Variants in COL13A1 observed in about 807,000 individuals in gnomAD.
COL13A1 encodes the protein collagen alpha-1(XIII) chain.
A neutral mutation model predicts 130.9 loss-of-function variants in COL13A1; 89 were observed. The observed-to-expected ratio is 0.68, with a 90% CI of 0.57 to 0.81. COL13A1 has a LOEUF of 0.81. Among genes scored for constraint, COL13A1 ranks in the 30% least tolerant of loss-of-function variants. The pLI is 0.00. For synonymous variants in COL13A1, 402 were observed against 341.6 expected (o/e 1.18, Z -1.95); for missense variants, 879 against 934.6 (o/e 0.94, Z 0.78).
Position 69,878,149 on chromosome 10 carries a change from C to G in COL13A1, c.462+84C>G, listed in dbSNP as rs10823446. 8.1e-5 allele frequency: 56 copies of G among 689,352 alleles called. 1 individual carries two copies. The highest frequency in any genetic ancestry group is 2.4e-4 in the Middle Eastern group (1 of 4,100). The allele number at this position is 689,352 out of a possible 1,614,324, so 42.7% of individuals were successfully genotyped here. On this transcript the variant is annotated intron_variant, in intron 6 of 40. Coordinates refer to ENST00000645393, the MANE Select transcript of COL13A1 (RefSeq NM_001368882.1). ...TGATGGGAGGCTCTCAGCCCTCCCC[C>G]CCATGAAAGCCGCAGCAGAGGGTGC...
intron 2 of COL13A1, among the ~76,000 whole-genome samples, chr10:69,850,619 G>A (rs1231468084): frequency 1.3e-5 from 2 of 151,876 alleles, no homozygotes; most frequent in Non-Finnish European, 2.9e-5. Context: ...TGGGCAAAGG[G>A]CGGGCTGTTG....
intron 5 of COL13A1, chr10:69,877,577 G>C: frequency 5.9e-6 from 1 of 170,314 alleles, no homozygotes; most frequent in Non-Finnish European, 1.3e-5. Flanking sequence ...TGGGGCCATG[G>C]CTTCTGGGGA....
At chr10:69,928,711 C>T (rs973283813) in intron 27 of COL13A1, among the ~76,000 whole-genome samples, 4 of 152,220 alleles carry the variant, frequency 2.6e-5, no homozygotes, top group African/African-American at 9.7e-5. Context: ...TTGGACATGG[C>T]TCTCCGAACC....
chr10:69,867,747 C>T (rs541948369), intron 2 of COL13A1, 51 bp from the exon 3 acceptor site: 59 of 717,062 alleles, frequency 8.2e-5, no homozygotes, highest in African/African-American at 4.4e-4. Flanking sequence ...GCCTCCCCAC[C>T]GCCCCCTACA....
intron 1 of COL13A1, among the ~76,000 whole-genome samples, chr10:69,814,694 C>T (rs1843989134): frequency 6.6e-6 from 1 of 152,184 alleles, no homozygotes; most frequent in South Asian, 2.1e-4. Context: ...AGAGTTGGGA[C>T]TAGACCCCAA....
rs531878511 is a variant in COL13A1, at chr10:69,833,317, C to T, written c.364+10879C>T. Among the ~76,000 whole-genome samples, 10 of 152,304 alleles carry T rather than the reference C, an allele frequency of 6.6e-5. No individual in the cohort carries two copies. The South Asian group carries it at 2.1e-3, about 32-fold the overall frequency. ...GAAGTTACAGTAACTAGATTGAGCA[C>T]CCCCACCTCTCCACTCCTCACCTCA... On this transcript the variant is annotated intron_variant, in intron 2 of 40. Transcript: ENST00000645393.
At chr10:69,869,053 C>T (rs2058805941) in intron 3 of COL13A1, among the ~76,000 whole-genome samples, 1 of 151,662 alleles carries the variant, frequency 6.6e-6, no homozygotes, top group South Asian at 2.1e-4. Context: ...GCTGCAGCCT[C>T]CTGCACACAC....
At chr10:69,840,778 T>A (rs1420930290) in intron 2 of COL13A1, among the ~76,000 whole-genome samples, 1 of 152,036 alleles carries the variant, frequency 6.6e-6, no homozygotes, top group Non-Finnish European at 1.5e-5. Context: ...AAACCTGGGA[T>A]CTGTGTGACC....
chr10:69,828,844 G>T (rs1848137042), intron 2 of COL13A1, among the ~76,000 whole-genome samples: 1 of 152,234 alleles, frequency 6.6e-6, no homozygotes, highest in Non-Finnish European at 1.5e-5. Flanking sequence ...AGACCAAGAT[G>T]TATACACCTG....
intron 2 of COL13A1, among the ~76,000 whole-genome samples, chr10:69,866,914 G>GCAGA (rs1345428639): frequency 6.6e-6 from 1 of 152,170 alleles, no homozygotes; most frequent in Non-Finnish European, 1.5e-5. Flanking sequence ...TAGGGGCCGG[G>GCAGA]CAGACACACC....
intron 2 of COL13A1, among the ~76,000 whole-genome samples, chr10:69,862,367 C>G (rs1858384065): frequency 2.6e-5 from 4 of 152,166 alleles, no homozygotes; most frequent in Admixed American, 2.6e-4. Flanking sequence ...ATTTGTCAAC[C>G]ATGCTCCCGG....
At chr10:69,940,848 C>G in intron 34 of COL13A1, 140 bp from the exon 35 acceptor site, 1 of 1,165,302 alleles carries the variant, frequency 8.6e-7, no homozygotes, top group Non-Finnish European at 1.3e-6. Flanking sequence ...AAGCTTATTT[C>G]TCCAGTTGTG....
chr10:69,824,930 C>T (rs1329198176), intron 2 of COL13A1, among the ~76,000 whole-genome samples: 3 of 152,204 alleles, frequency 2.0e-5, no homozygotes, highest in Admixed American at 6.5e-5. Context: ...AATGGCCACA[C>T]GGAAGCATTT....
In COL13A1 at chr10:69,813,309, C is replaced by T. The variant is rs563616114; in HGVS notation, c.295-9060C>T. On this transcript the variant is annotated intron_variant, in intron 1 of 40. Coordinates refer to ENST00000645393, the MANE Select transcript of COL13A1 (RefSeq NM_001368882.1). The stretch of plus-strand genomic sequence containing the variant: ...CCATGCACACCATCAGTTCTGGGGC[C>T]CGGTTCCTTGACTCCTTGCGGCAGT... Among the ~76,000 whole-genome samples the T allele has an allele frequency of 2.6e-5, 4 of 152,292 alleles. No homozygotes were observed. In the East Asian group the frequency reaches 5.8e-4, roughly 22 times the overall value.
In COL13A1 at chr10:69,956,640, A is replaced by G. The variant is rs1006130434; in HGVS notation, c.2146-364A>G. ...TTGCCAAGGTTTTATGGAGGAGGAA[A>G]CTGAGGCCGCCTTGTGCTGAGTGGC... On this transcript the variant is annotated intron_variant, in intron 39 of 40. Transcript: ENST00000645393. The G allele has an allele frequency of 1.3e-5, 3 of 223,166 alleles. No individual in the cohort carries two copies. In the Admixed American group the frequency reaches 1.4e-4, roughly 10 times the overall value. The allele number at this position is 223,166 out of a possible 1,614,324, so 13.8% of individuals were successfully genotyped here. A position where few individuals can be genotyped will look rare whatever the true frequency, so the allele number is the denominator to read the frequency against.
At chr10:69,926,063 C>A in intron 26 of COL13A1, 191 bp downstream of exon 26, 1 of 559,262 alleles carries the variant, frequency 1.8e-6, no homozygotes, top group Non-Finnish European at 3.2e-6. Context: ...TGGGAAATGG[C>A]CCCATTACTG....
At chr10:69,817,648 G>C (rs1343190986) in intron 1 of COL13A1, among the ~76,000 whole-genome samples, 1 of 152,056 alleles carries the variant, frequency 6.6e-6, no homozygotes, top group Non-Finnish European at 1.5e-5. Context: ...AGCCAGGCTC[G>C]TGGCTTAGTG....
chr10:69,935,457 T>G (rs908531666), intron 32 of COL13A1, 66 bp downstream of exon 32: 8 of 1,247,950 alleles, frequency 6.4e-6, no homozygotes, highest in Non-Finnish European at 7.7e-6. Context: ...GTCACTGGGC[T>G]CAACCTCAGC....
intron 2 of COL13A1, among the ~76,000 whole-genome samples, chr10:69,837,251 A>G (rs892690311): frequency 5.9e-5 from 9 of 152,176 alleles, no homozygotes; most frequent in African/African-American, 9.7e-5. Context: ...GACCTTACCA[A>G]TGATCCTGGC....
Sources: gnomAD v4.1 joint callset for allele counts (sites outside exome capture counted in the v4.1 genomes callset) on GRCh38, gnomAD v4.1.1 for gene constraint, MANE v1.5 for transcripts, NCBI Gene and HGNC (gene_info 2026-07-23, HGNC 2026-07-21) for gene names.